TTN: variants seen among roughly 807,000 people sequenced by gnomAD.
TTN encodes the protein titin, also known as connectin.
A neutral mutation model predicts 3,223.0 loss-of-function variants in TTN; 1,525 were observed. That is an observed-to-expected ratio of 0.47 (90% confidence interval 0.45 to 0.49). The LOEUF is 0.49. Among genes scored for constraint, TTN ranks in the 20% least tolerant of loss-of-function variants. The pLI, the probability that TTN is intolerant of heterozygous loss-of-function variation, is 0.00. For missense variants in TTN, 40,786 were observed against 43,424.0 expected (o/e 0.94, Z 5.40); for synonymous variants, 14,094 against 15,161.0 (o/e 0.93, Z 5.17).
rs1481284233 is a variant in TTN at position 178,562,669 on chromosome 2, A to G, written c.83463T>C (p.Thr27821=). The part of the protein sequence containing the change: ...KAYATITNNC[T]KTTFRIENLQ... ...GATTTTCAATTCTGAAAGTAGTTTTAGTGCAATTATTTGTAATGGTAGCAT... is the reference window on the plus strand; with the variant it reads ...GATTTTCAATTCTGAAAGTAGTTTTGGTGCAATTATTTGTAATGGTAGCAT... The change falls in exon 326 of 363, where the codon ACT becomes ACC. Residue 27821 remains threonine, a synonymous_variant. Transcript: ENST00000589042. 11 of 1,596,178 alleles carry G rather than the reference A, an allele frequency of 6.9e-6. No individual in the cohort carries two copies. The highest frequency in any genetic ancestry group is 1.1e-5 in the South Asian group (1 of 86,960).
At position 178,582,277 on chromosome 2, in the gene TTN, C is replaced by A; in HGVS notation, c.66160+19G>T. 6.3e-7 allele frequency: 1 copy of A among 1,576,722 alleles called. No homozygotes were observed. The highest frequency in any genetic ancestry group is 8.6e-7 in the Non-Finnish European group (1 of 1,167,910). ...AATTTTAAAAAATAAAATGAAAAACCACCGGGAAATGTTCCTACCATATGG... is the reference window on the plus strand; with the variant it reads ...AATTTTAAAAAATAAAATGAAAAACAACCGGGAAATGTTCCTACCATATGG... On this transcript the variant is annotated intron_variant, in intron 314 of 362. Coordinates refer to ENST00000589042, the MANE Select transcript of TTN (RefSeq NM_001267550.2).
At position 178,723,854 on chromosome 2, in the gene TTN, A is replaced by C. The variant is rs2078872337; in HGVS notation, c.21403+2T>G. 6.2e-7 allele frequency: 1 copy of C among 1,603,590 alleles called. No homozygotes were observed. Among genetic ancestry groups the C allele is most frequent in the African/African-American group, 1.3e-5 (1 of 74,734 alleles). Reference sequence around the variant, plus strand: ...TCCTTACAAGTTTGACTGTCTACTGACCTTGTACAGTTAGCACTGCACGAC... The same window carrying C: ...TCCTTACAAGTTTGACTGTCTACTGCCCTTGTACAGTTAGCACTGCACGAC... On this transcript the variant is annotated splice_donor_variant, in intron 73 of 362. Transcript: ENST00000589042. LOFTEE classifies it high-confidence loss of function.
rs1159170327 is a variant in TTN at position 178,664,066 on chromosome 2, T to C, written c.36313A>G (p.Lys12105Glu). 7 of 1,612,988 alleles carry C rather than the reference T, an allele frequency of 4.3e-6. No homozygotes were observed. In the South Asian group the frequency reaches 4.4e-5, roughly 10 times the overall value. The part of the protein sequence containing the change: ...HEAPKEIIPE[K>E]KVSVVPPKKP... ...TTAGGAGGCACCACCGACACTTTCT[T>C]TTCAGGGATAATCTCTTTGGGAGCT... Residue 12105 changes from lysine to glutamate, a missense_variant, in exon 169 of 363, where the codon AAG becomes GAG. Transcript: ENST00000589042.
chr2:178,779,499 T>C, intron 22 of TTN, 37 bp from the exon 23 acceptor site: 1 of 1,234,496 alleles, frequency 8.1e-7, no homozygotes, highest in Non-Finnish European at 1.2e-6. Flanking sequence ...AAAATACATA[T>C]CCTTACTGAT....
rs767395789 is a variant in TTN, at chr2:178,675,128, A to G, written c.34538-15T>C. 1 of 1,530,218 alleles carries G rather than the reference A, an allele frequency of 6.5e-7. No individual in the cohort carries two copies. The highest frequency in any genetic ancestry group is 1.3e-5 in the South Asian group (1 of 77,808). 94.8% of individuals were successfully genotyped at this position (1,530,218 alleles called of 1,614,324 possible). On this transcript the variant is annotated splice_polypyrimidine_tract_variant and intron_variant, in intron 149 of 362. Coordinates refer to ENST00000589042, the MANE Select transcript of TTN (RefSeq NM_001267550.2). ...CACCTCAGGAACTTGAGAGACATTG[A>G]TTATTTTAGACACTTAAAATGCAAG...
At chr2:178,733,164 G>A (rs757377645) in intron 54 of TTN, 43 bp from the exon 55 acceptor site, 5 of 1,558,278 alleles carry the variant, frequency 3.2e-6, no homozygotes, top group South Asian at 1.2e-5. Context: ...ATATAGAAGA[G>A]TGCTCAGTGA....
intron 84 of TTN, 45 bp downstream of exon 84, chr2:178,718,650 T>C (rs2077867740): frequency 1.2e-6 from 2 of 1,603,330 alleles, no homozygotes; most frequent in Non-Finnish European, 1.7e-6. Context: ...AATGAAGACT[T>C]AAGAGAAATT....
At chr2:178,718,650 T>TA in intron 84 of TTN, 45 bp downstream of exon 84, 1 of 1,603,330 alleles carries the variant, frequency 6.2e-7, no homozygotes, top group Non-Finnish European at 8.5e-7. Flanking sequence ...AATGAAGACT[T>TA]AAGAGAAATT....
intron 38 of TTN, 63 bp downstream of exon 38, chr2:178,768,610 C>T: frequency 6.2e-7 from 1 of 1,608,744 alleles, no homozygotes; most frequent in South Asian, 1.1e-5. Flanking sequence ...TTAATTGATA[C>T]ACTAAATTTT....
At position 178,543,828 on chromosome 2, in the gene TTN, G is replaced by T. The variant is rs746927954; in HGVS notation, c.96310+6C>A. The T allele has an allele frequency of 6.2e-7, 1 of 1,612,662 alleles. No individual in the cohort carries two copies. The highest frequency in any genetic ancestry group is 2.2e-5 in the East Asian group (1 of 44,844). On this transcript the variant is annotated splice_donor_region_variant and intron_variant, in intron 346 of 362. Coordinates refer to ENST00000589042, the MANE Select transcript of TTN (RefSeq NM_001267550.2). ...TTGTATAGCCAATTTTAAGTAAAATGCTTACCATAGACTTTAACAAGGACT... is the reference window on the plus strand; with the variant it reads ...TTGTATAGCCAATTTTAAGTAAAATTCTTACCATAGACTTTAACAAGGACT...
In TTN at chr2:178,614,243, T is replaced by A. The variant is rs778033610; in HGVS notation, c.49154A>T (p.Asn16385Ile). Residue 16385 changes from asparagine (N) to isoleucine (I), a missense_variant, in exon 262 of 363, where the codon AAC becomes ATC. Physicochemically the swap from Asn to Ile is moderately radical, Grantham distance 149 (BLOSUM62 -3). Transcript: ENST00000589042. ...PRDDGGSKIT[N>I]YVVERRATDS... ...AGTTGCTCGTCTCTCCACAACATAG[T>A]TTGTGATCTTAGATCCACCATCATC... 1 of 1,612,608 alleles carries A rather than the reference T, an allele frequency of 6.2e-7. No individual in the cohort carries two copies. The highest frequency in any genetic ancestry group is 8.5e-7 in the Non-Finnish European group (1 of 1,179,270).
chr2:178,599,807 T>G lies in TTN; in HGVS notation c.56094A>C (p.Glu18698Asp). The G allele has an allele frequency of 1.2e-6, 2 of 1,603,712 alleles. No individual in the cohort carries two copies. Among genetic ancestry groups the G allele is most frequent in the Non-Finnish European group, 1.7e-6 (2 of 1,175,904 alleles). ...TGGCCACAATGTTAACATTGGTTCC[T>G]TCTTCAACCTCCATGAATTCTTTTA... ...IDLKEFMEVEEGTNVNIVAKI... is the reference protein window; with the variant it reads ...IDLKEFMEVEDGTNVNIVAKI... Residue 18698 changes from glutamate (E) to aspartate (D), a missense_variant, in exon 289 of 363, where the codon GAA (glutamate) becomes GAC (aspartate). Transcript: ENST00000589042.
intron 300 of TTN, 35 bp from the exon 301 acceptor site, chr2:178,592,695 C>T: frequency 1.2e-6 from 2 of 1,611,738 alleles, no homozygotes; most frequent in Non-Finnish European, 1.7e-6. Context: ...CAGATTTGAT[C>T]CATAATGCAG....
At chr2:178,735,116 G>T in intron 50 of TTN, 128 bp from the exon 51 acceptor site, 2 of 1,055,492 alleles carry the variant, frequency 1.9e-6, no homozygotes, top group Non-Finnish European at 2.6e-6. Context: ...TTCTGTAAAA[G>T]CTGTGGTGCA....
chr2:178,697,032 G>T, intron 113 of TTN, 89 bp downstream of exon 113: 1 of 1,191,308 alleles, frequency 8.4e-7, no homozygotes, highest in Non-Finnish European at 1.2e-6. Flanking sequence ...CTTTCAATAA[G>T]TTGGAAGCCT....
At chr2:178,727,020 TAAAG>T (rs2079454890) in intron 69 of TTN, 66 bp downstream of exon 69, 1 of 1,294,878 alleles carries the variant, frequency 7.7e-7, no homozygotes, top group Non-Finnish European at 1.0e-6. Flanking sequence ...AGTAAATGAA[TAAAG>T]AGCTATAATA....
chr2:178,670,175 A>C (rs1050787869), intron 157 of TTN, 43 bp downstream of exon 157: 1 of 1,317,116 alleles, frequency 7.6e-7, no homozygotes, highest in African/African-American at 1.5e-5. Flanking sequence ...TAAGTGAATA[A>C]AAAAGGATTT....
At chr2:178,806,075 T>G (rs899443089) in intron 1 of TTN, among the ~76,000 whole-genome samples, 2 of 152,208 alleles carry the variant, frequency 1.3e-5, no homozygotes, top group Non-Finnish European at 2.9e-5. Flanking sequence ...AGCAATAATC[T>G]TCTTAGTGAT....
intron 217 of TTN, 112 bp downstream of exon 217, chr2:178,645,808 T>C (rs1235776238): frequency 1.6e-6 from 1 of 615,778 alleles, no homozygotes; most frequent in African/African-American, 2.0e-5. Context: ...AGTACAATCA[T>C]GTCTGAAAGT....
Sources: gnomAD v4.1 joint callset for allele counts (sites outside exome capture counted in the v4.1 genomes callset) on GRCh38, gnomAD v4.1.1 for gene constraint, MANE v1.5 for transcripts, NCBI Gene and HGNC (gene_info 2026-07-23, HGNC 2026-07-21) for gene names.